The following MVD variants were observed in gnomAD, a reference collection of about 807,000 sequenced individuals.
The protein encoded by MVD is diphosphomevalonate decarboxylase.
A neutral mutation model predicts 42.4 loss-of-function variants in MVD; 52 were observed. The ratio of observed to expected loss-of-function variants is 1.23; its 90% CI spans 0.98 to 1.55. MVD has a LOEUF of 1.55. MVD is among the 40% of genes most tolerant of loss of function. MVD has a pLI of 0.00. For missense variants in MVD, 663 were observed against 572.1 expected (o/e 1.16, Z -1.62); for synonymous variants, 287 against 243.2 (o/e 1.18, Z -1.68).
intron 1 of MVD, among the ~76,000 whole-genome samples, chr16:88,661,842 T>TAA (rs1251786016): frequency 3.8e-5 from 2 of 53,158 alleles, no homozygotes; most frequent in Admixed American, 2.8e-4. Flanking sequence ...GACAGTTTCT[T>TAA]TAAAAAAAAA....
chr16:88,655,006 C>G, intron 7 of MVD, 193 bp downstream of exon 7: 1 of 880,162 alleles, frequency 1.1e-6, no homozygotes, highest in East Asian at 2.7e-5. Context: ...GTGGTGGGGC[C>G]GTGACCCGGG....
At chr16:88,662,762 T>C (rs567052614) in intron 1 of MVD, 1 of 1,483,428 alleles carries the variant, frequency 6.7e-7, no homozygotes, top group Non-Finnish European at 8.9e-7. Flanking sequence ...TAATCGCTAA[T>C]GGGCAGGCGC....
chr16:88,661,749 C>T (rs1908305206), intron 1 of MVD, among the ~76,000 whole-genome samples: 1 of 151,724 alleles, frequency 6.6e-6, no homozygotes, highest in African/African-American at 2.4e-5. Flanking sequence ...AAAACAGCAA[C>T]TCCACCAAAT....
intron 9 of MVD, 70 bp downstream of exon 9, chr16:88,653,230 C>G (rs1907690564): frequency 1.5e-6 from 2 of 1,298,734 alleles, no homozygotes; most frequent in Non-Finnish European, 1.1e-6. Context: ...CTTTAAGGGC[C>G]CTGGGGGCTG....
intron 7 of MVD, 34 bp downstream of exon 7, chr16:88,655,165 C>G (rs998503985): frequency 2.0e-5 from 31 of 1,544,956 alleles, no homozygotes; most frequent in Non-Finnish European, 2.5e-5. Flanking sequence ...CGCTACAGCG[C>G]GAGCGCAGCC....
chr16:88,655,434 G>A lies in MVD; in HGVS notation c.679-17C>T. 1 of 1,555,380 alleles carries A rather than the reference G, an allele frequency of 6.4e-7. No homozygotes were observed. The highest frequency in any genetic ancestry group is 8.7e-7 in the Non-Finnish European group (1 of 1,155,588). Reference sequence around the variant, plus strand: ...GGCCCGGAACTGCAAGGCACAGGGTGTTTCCCATGGAGCCGCTGGGGGTCT... The same window carrying A: ...GGCCCGGAACTGCAAGGCACAGGGTATTTCCCATGGAGCCGCTGGGGGTCT... On this transcript the variant is annotated splice_polypyrimidine_tract_variant and intron_variant, in intron 6 of 9. Transcript: ENST00000301012.
chr16:88,662,688 C>G (rs1427615689), intron 1 of MVD: 2 of 1,344,454 alleles, frequency 1.5e-6, no homozygotes, highest in Non-Finnish European at 1.9e-6. Context: ...GCCACAAACG[C>G]GCACCACCAC....
intron 9 of MVD, 84 bp from the exon 10 acceptor site, chr16:88,652,689 G>A (rs1375474336): frequency 3.8e-6 from 5 of 1,330,438 alleles, no homozygotes; most frequent in Non-Finnish European, 5.2e-6. Context: ...GACACAGGAG[G>A]GTAGCGGTGT....
At chr16:88,655,056 T>C in intron 7 of MVD, 143 bp downstream of exon 7, 1 of 1,063,504 alleles carries the variant, frequency 9.4e-7, no homozygotes, top group East Asian at 2.6e-5. Context: ...ACCCAGATGG[T>C]CAGTGAGCTT....
intron 2 of MVD, 32 bp from the exon 3 acceptor site, chr16:88,658,061 C>T (rs1245560323): frequency 1.2e-6 from 2 of 1,601,322 alleles, no homozygotes; most frequent in Admixed American, 1.7e-5. Context: ...ACCTCAGAGG[C>T]CAGCATTGAG....
intron 1 of MVD, among the ~76,000 whole-genome samples, chr16:88,661,268 C>A (rs1227375246): frequency 6.6e-6 from 1 of 152,172 alleles, no homozygotes; most frequent in Non-Finnish European, 1.5e-5. Flanking sequence ...AACATTGATA[C>A]ACTGAACTTC....
rs962978587 is a variant in MVD, at chr16:88,652,615, G to C, written c.1123-10C>G. On this transcript the variant is annotated splice_polypyrimidine_tract_variant and intron_variant, in intron 9 of 9. Transcript: ENST00000301012. ...GAGGCCCTGGCCCCACCTGGGGATAGAAATCCATGTCAGGTCACCAGGAAT... is the reference window on the plus strand; with the variant it reads ...GAGGCCCTGGCCCCACCTGGGGATACAAATCCATGTCAGGTCACCAGGAAT... The C allele has an allele frequency of 3.9e-6, 6 of 1,552,838 alleles. No homozygotes were observed. The highest frequency in any genetic ancestry group is 3.3e-4 in the Middle Eastern group (2 of 5,990).
At position 88,661,643 on chromosome 16, in the gene MVD, A is replaced by C. The variant is rs79970670; in HGVS notation, c.70+1368T>G. Among the ~76,000 whole-genome samples, 13 of 152,224 alleles carry C rather than the reference A, an allele frequency of 8.5e-5. No individual in the cohort carries two copies. The East Asian group carries it at 2.5e-3, about 29-fold the overall frequency. On this transcript the variant is annotated intron_variant, in intron 1 of 9. Transcript: ENST00000301012. ...AAACCCACAGATGGCAAATAAGCAC[A>C]AAGAAAGATGCTCCACGTCACTGGC... is the stretch of plus-strand genomic sequence containing the variant.
At chr16:88,653,525 A>AG in intron 8 of MVD, 117 bp from the exon 9 acceptor site, 1 of 837,726 alleles carries the variant, frequency 1.2e-6, no homozygotes, top group Non-Finnish European at 1.8e-6. Context: ...GGGCTCAGGG[A>AG]GGGGGAGACG....
Position 88,652,329 on chromosome 16 carries a change from A to C in MVD, c.*196T>G. On this transcript the variant is annotated 3_prime_UTR_variant, in exon 10 of 10. Transcript: ENST00000301012. ...CGCTGGTGCAGCTTAGGGCAGCTGA[A>C]GCACTCGGCGGGGACCTCTCCTGAC... The C allele has an allele frequency of 1.6e-6, 1 of 641,460 alleles. No homozygotes were observed. The highest frequency in any genetic ancestry group is 2.8e-6 in the Non-Finnish European group (1 of 357,782). The allele number at this position is 641,460 out of a possible 1,614,324, so 39.7% of individuals were successfully genotyped here.
At chr16:88,661,700 C>T (rs944759698) in intron 1 of MVD, among the ~76,000 whole-genome samples, 3 of 151,936 alleles carry the variant, frequency 2.0e-5, no homozygotes, top group African/African-American at 7.3e-5. Context: ...GACCACAGCA[C>T]CCTGCCAGCA....
Position 88,658,713 on chromosome 16 carries a change from C to T in MVD, c.78G>A (p.Lys26=), listed in dbSNP as rs1908100479. The change falls in exon 2 of 10, where the codon AAG becomes AAA. Residue 26 remains lysine, a synonymous_variant. Transcript: ENST00000301012. ...VNIAVIKYWG[K]RDEELVLPIN... ...TGGGCAGAACCAGCTCTTCATCGCG[C>T]TTGCCCCCTGTAATGAACAGCCAGG... 1 of 1,612,238 alleles carries T rather than the reference C, an allele frequency of 6.2e-7. No homozygotes were observed. Among genetic ancestry groups the T allele is most frequent in the Non-Finnish European group, 8.5e-7 (1 of 1,179,342 alleles).
At chr16:88,655,016 G>A (rs2142895534) in intron 7 of MVD, 183 bp downstream of exon 7, 1 of 915,508 alleles carries the variant, frequency 1.1e-6, no homozygotes, top group Non-Finnish European at 1.6e-6. Context: ...CGTGACCCGG[G>A]CAAGTCAAGA....
intron 1 of MVD, 94 bp downstream of exon 1, chr16:88,662,917 C>A (rs1908403546): frequency 2.0e-6 from 3 of 1,536,824 alleles, no homozygotes; most frequent in Non-Finnish European, 2.6e-6. Context: ...CCTGGGAGGG[C>A]AGGACGGAGC....
Sources: gnomAD v4.1 joint callset for allele counts (sites outside exome capture counted in the v4.1 genomes callset) on GRCh38, gnomAD v4.1.1 for gene constraint, MANE v1.5 for transcripts, NCBI Gene and HGNC (gene_info 2026-07-23, HGNC 2026-07-21) for gene names.